BAIAP2L2: variants seen among roughly 807,000 people sequenced by gnomAD.
BAIAP2L2 encodes BAR/IMD domain-containing adapter protein 2-like 2.
In BAIAP2L2, 65 loss-of-function variants were observed where a neutral mutation model predicts 60.4. The observed-to-expected ratio is 1.08, with a 90% CI of 0.88 to 1.32. The LOEUF is 1.32. Among genes scored for constraint, BAIAP2L2 ranks in the 40% most tolerant of loss-of-function variants. The probability of loss-of-function intolerance (pLI) is 0.00; values close to 1 mark genes in which losing one functional copy is unlikely to be tolerated. For missense variants in BAIAP2L2, 836 were observed against 741.2 expected (o/e 1.13, Z -1.48); for synonymous variants, 344 against 301.7 (o/e 1.14, Z -1.45).
In BAIAP2L2 at chr22:38,089,511, C is replaced by T; in HGVS notation, c.765+11G>A. ...GGGCGCGAACGGCGGCGGGGGCGCC[C>T]AGGGCCTCACCATGTCCAGGCAGGT... On this transcript the variant is annotated intron_variant, in intron 8 of 13. Transcript: ENST00000381669. 8.3e-7 allele frequency: 1 copy of T among 1,203,680 alleles called. No homozygotes were observed. The highest frequency in any genetic ancestry group is 4.4e-5 in the Admixed American group (1 of 22,694). 74.6% of individuals were successfully genotyped at this position (1,203,680 alleles called of 1,614,324 possible).
At position 38,097,058 on chromosome 22, in the gene BAIAP2L2, T is replaced by C; in HGVS notation, c.586A>G (p.Asn196Asp). Residue 196 changes from asparagine (N) to aspartate (D), a missense_variant, in exon 7 of 14, where the codon AAC becomes GAC. Coordinates refer to ENST00000381669, the MANE Select transcript of BAIAP2L2 (RefSeq NM_025045.6). The stretch of plus-strand genomic sequence containing the variant: ...CGGCCGAAGAACTGCAGGAAGGTGT[T>C]GGAAAGTAGCAGGTGCTTCTCTGCT... ...FLAEKHLLLSNTFLQFFGRAR... is the reference protein window; with the variant it reads ...FLAEKHLLLSDTFLQFFGRAR... 3 of 1,613,930 alleles carry C rather than the reference T, an allele frequency of 1.9e-6. No homozygotes were observed. The highest frequency in any genetic ancestry group is 1.7e-5 in the Admixed American group (1 of 60,000).
chr22:38,089,046 C>T, intron 9 of BAIAP2L2, 50 bp downstream of exon 9: 2 of 1,397,842 alleles, frequency 1.4e-6, no homozygotes, highest in Non-Finnish European at 1.9e-6. Context: ...TGCAGCCCCA[C>T]CCCCGCGCCT....
chr22:38,085,516 C>G, intron 13 of BAIAP2L2, 141 bp from the exon 14 acceptor site: 1 of 1,248,296 alleles, frequency 8.0e-7, no homozygotes, highest in Non-Finnish European at 1.1e-6. Flanking sequence ...CCCGCTTCAT[C>G]TTTTTTTTTC....
chr22:38,105,157 G>C (rs1278100950), intron 4 of BAIAP2L2, among the ~76,000 whole-genome samples: 2 of 152,004 alleles, frequency 1.3e-5, no homozygotes, highest in Non-Finnish European at 2.9e-5. Flanking sequence ...CTTTCACTGA[G>C]AGGAAGGGCC....
intron 4 of BAIAP2L2, among the ~76,000 whole-genome samples, chr22:38,101,371 T>TA (rs529893934): frequency 0.028 from 2,228 of 80,512 alleles, 309 homozygotes; most frequent in African/African-American, 0.074. Context: ...TGTCTCTACA[T>TA]AAAAAAAAAA....
chr22:38,094,331 A>G (rs1362412842), intron 7 of BAIAP2L2, among the ~76,000 whole-genome samples: 1 of 152,090 alleles, frequency 6.6e-6, no homozygotes, highest in African/African-American at 2.4e-5. Flanking sequence ...GATTACAGGC[A>G]TGTACAACCA....
intron 7 of BAIAP2L2, among the ~76,000 whole-genome samples, chr22:38,092,381 A>G (rs2086325723): frequency 6.6e-6 from 1 of 152,146 alleles, no homozygotes; most frequent in Non-Finnish European, 1.5e-5. Flanking sequence ...GGTTCAAGCC[A>G]TCCTCGTGCC....
In BAIAP2L2 at chr22:38,089,242, G is replaced by T; in HGVS notation, c.766-11C>A. 2 of 454,894 alleles carry T rather than the reference G, an allele frequency of 4.4e-6. No individual in the cohort carries two copies. The highest frequency in any genetic ancestry group is 6.6e-6 in the Non-Finnish European group (2 of 303,856). 28.2% of individuals were successfully genotyped at this position (454,894 alleles called of 1,614,324 possible). A position where few individuals can be genotyped will look rare whatever the true frequency, so the allele number is the denominator to read the frequency against. On this transcript the variant is annotated splice_polypyrimidine_tract_variant and intron_variant, in intron 8 of 13. Coordinates refer to ENST00000381669, the MANE Select transcript of BAIAP2L2 (RefSeq NM_025045.6). ...CAGGGGCCTCGGGGGCTGCGGGGGA[G>T]ATGGGCAGGGGAGGGTGGGGCGGGG...
rs1400149414 is a variant in BAIAP2L2, at chr22:38,085,092, C to T, written c.*208G>A. 3 of 546,602 alleles carry T rather than the reference C, an allele frequency of 5.5e-6. No homozygotes were observed. The highest frequency in any genetic ancestry group is 2.0e-5 in the South Asian group (1 of 49,532). 33.9% of individuals were successfully genotyped at this position (546,602 alleles called of 1,614,324 possible). A position where few individuals can be genotyped will look rare whatever the true frequency, so the allele number is the denominator to read the frequency against. On this transcript the variant is annotated 3_prime_UTR_variant, in exon 14 of 14. Coordinates refer to ENST00000381669, the MANE Select transcript of BAIAP2L2 (RefSeq NM_025045.6). ...AGGGGGAGAAATTGTCCTGTCCCCCCATTCCGCCTGCTTTACTTTGAAGGT... is the reference window on the plus strand; with the variant it reads ...AGGGGGAGAAATTGTCCTGTCCCCCTATTCCGCCTGCTTTACTTTGAAGGT...
chr22:38,096,320 C>T (rs1338315186), intron 7 of BAIAP2L2, among the ~76,000 whole-genome samples: 1 of 152,138 alleles, frequency 6.6e-6, no homozygotes, highest in Non-Finnish European at 1.5e-5. Context: ...TCTGACTAGT[C>T]TAGCAGACAG....
At chr22:38,102,213 G>A (rs2086582733) in intron 4 of BAIAP2L2, among the ~76,000 whole-genome samples, 1 of 152,186 alleles carries the variant, frequency 6.6e-6, no homozygotes, top group Non-Finnish European at 1.5e-5. Context: ...GAGCCTCTAG[G>A]AAGTCTTGAA....
In BAIAP2L2 at chr22:38,098,253, G is replaced by C. The variant is rs148375299; in HGVS notation, c.349-74C>G. ...CTCAAGACACCCCTCCCAGAGATCA[G>C]GGCCCTGGAAGTTTGGAGACTTGGG... On this transcript the variant is annotated intron_variant, in intron 5 of 13. Coordinates refer to ENST00000381669, the MANE Select transcript of BAIAP2L2 (RefSeq NM_025045.6). 86 of 1,544,738 alleles carry C rather than the reference G, an allele frequency of 5.6e-5. No homozygotes were observed. In the African/African-American group the frequency reaches 1.0e-3, roughly 18 times the overall value.
Position 38,089,619 on chromosome 22 carries a change from C to T in BAIAP2L2, c.668G>A (p.Ser223Asn). 10 of 1,234,132 alleles carry T rather than the reference C, an allele frequency of 8.1e-6. No homozygotes were observed. The highest frequency in any genetic ancestry group is 1.0e-5 in the Non-Finnish European group (10 of 990,006). The allele number at this position is 1,234,132 out of a possible 1,614,324, so 76.4% of individuals were successfully genotyped here. Residue 223 changes from serine (S) to asparagine (N), a missense_variant, in exon 8 of 14, where the codon AGC becomes AAC. Ser to Asn is a conservative substitution (Grantham distance 46). Coordinates refer to ENST00000381669, the MANE Select transcript of BAIAP2L2 (RefSeq NM_025045.6). ...GGAGTGGGCGCGCGACGGGCTGCGG[C>T]TGGCCTCAGACTGCTCCTTCCACAG... ...VLLWKEQSEA[S>N]RSPSRAHSPG...
chr22:38,088,596 C>G lies in BAIAP2L2; in HGVS notation c.1118+152G>C, dbSNP rs577528769. On this transcript the variant is annotated intron_variant, in intron 10 of 13. Transcript: ENST00000381669. Reference sequence around the variant, plus strand: ...TACTCCCACTGAATGAATGAGGAAACTGAGGCAGGGTGCGGGGGTCGGGAG... The same window carrying G: ...TACTCCCACTGAATGAATGAGGAAAGTGAGGCAGGGTGCGGGGGTCGGGAG... The G allele has an allele frequency of 4.0e-6, 3 of 741,784 alleles. No homozygotes were observed. The East Asian group carries it at 8.9e-5, about 22-fold the overall frequency. The allele number at this position is 741,784 out of a possible 1,614,324, so 46.0% of individuals were successfully genotyped here. A position where few individuals can be genotyped will look rare whatever the true frequency, so the allele number is the denominator to read the frequency against.
chr22:38,098,039 A>T, intron 6 of BAIAP2L2, 24 bp downstream of exon 6: 1 of 509,630 alleles, frequency 2.0e-6, no homozygotes, highest in South Asian at 1.7e-5. Context: ...TTCCTGGCCC[A>T]CCCCCGCTTC....
intron 3 of BAIAP2L2, 90 bp downstream of exon 3, chr22:38,108,165 G>C (rs1301409759): frequency 2.4e-6 from 3 of 1,263,590 alleles, no homozygotes; most frequent in Non-Finnish European, 3.4e-6. Flanking sequence ...GGGCTGAAAG[G>C]CCTGTGTCAG....
intron 2 of BAIAP2L2, 73 bp downstream of exon 2, chr22:38,109,060 C>G (rs1294492246): frequency 2.1e-6 from 2 of 973,902 alleles, no homozygotes; most frequent in Non-Finnish European, 2.8e-6. Context: ...TGCAGAGAAT[C>G]TGGGAGGGGC....
At chr22:38,093,868 T>C (rs1185555418) in intron 7 of BAIAP2L2, 6 of 456,200 alleles carry the variant, frequency 1.3e-5, no homozygotes, top group African/African-American at 1.0e-4. Flanking sequence ...GATGAAAACA[T>C]ATGTCCACAT....
chr22:38,084,993 A>C lies in BAIAP2L2; in HGVS notation c.*307T>G. On this transcript the variant is annotated 3_prime_UTR_variant, in exon 14 of 14. Coordinates refer to ENST00000381669, the MANE Select transcript of BAIAP2L2 (RefSeq NM_025045.6). ...GAGCAGGTACAAGGGGCTCCTCCCC[A>C]CGGGGGCAGAAAAGGGGGAAAGAGG... 2.9e-6 allele frequency: 1 copy of C among 339,706 alleles called. No individual in the cohort carries two copies. The highest frequency in any genetic ancestry group is 3.2e-5 in the South Asian group (1 of 31,474). The allele number at this position is 339,706 out of a possible 1,614,324, so 21.0% of individuals were successfully genotyped here.
Sources: allele counts gnomAD v4.1 joint callset (sites outside exome capture counted in the v4.1 genomes callset), GRCh38; gene constraint gnomAD v4.1.1; transcripts MANE v1.5; gene names NCBI Gene and HGNC (gene_info 2026-07-23, HGNC 2026-07-21).